Variants in PTCHD4 observed in about 807,000 individuals in gnomAD.
PTCHD4 encodes patched domain-containing protein 4.
Under a neutral mutation model 58.1 loss-of-function variants are expected in PTCHD4, and 33 were observed. The observed-to-expected ratio is 0.57, with a 90% CI of 0.43 to 0.76. The LOEUF (loss-of-function observed/expected upper bound fraction) is 0.76. Among genes scored for constraint, PTCHD4 ranks in the 30% least tolerant of loss-of-function variants. The probability of loss-of-function intolerance (pLI) is 0.00; values close to 1 mark genes in which losing one functional copy is unlikely to be tolerated. For synonymous variants in PTCHD4, 478 were observed against 409.6 expected (o/e 1.17, Z -2.02); for missense variants, 1,058 against 1,027.1 (o/e 1.03, Z -0.41).
At chr6:47,998,962 G>T (rs901254805) in intron 4 of PTCHD4, among the ~76,000 whole-genome samples, 2 of 152,122 alleles carry the variant, frequency 1.3e-5, no homozygotes, top group African/African-American at 4.8e-5. Flanking sequence ...CTTGCTCAAA[G>T]AACTCTAGCA....
chr6:47,968,419 A>G (rs1767378270), intron 4 of PTCHD4, among the ~76,000 whole-genome samples: 1 of 152,224 alleles, frequency 6.6e-6, no homozygotes, highest in Non-Finnish European at 1.5e-5. Flanking sequence ...TTAACAAATT[A>G]TAACACAGAT....
chr6:47,994,950 GA>G (rs902057295), intron 4 of PTCHD4, among the ~76,000 whole-genome samples: 7 of 152,086 alleles, frequency 4.6e-5, no homozygotes, highest in African/African-American at 1.4e-4. Context: ...CAACCAAAAA[GA>G]AAAATGTTCT....
chr6:47,955,383 C>CA (rs1766818384), intron 4 of PTCHD4, among the ~76,000 whole-genome samples: 4 of 152,006 alleles, frequency 2.6e-5, no homozygotes, highest in Non-Finnish European at 5.9e-5. Flanking sequence ...CAAAGGCTCT[C>CA]GAATTATGAG....
At position 48,070,465 on chromosome 6, in the gene PTCHD4, C is replaced by T. The variant is rs1478303216; in HGVS notation, c.-969-539G>A. 5.3e-5 allele frequency among the ~76,000 whole-genome samples: 8 copies of T among 152,118 alleles called. No homozygotes were observed. The East Asian group carries it at 5.8e-4, about 11-fold the overall frequency. ...GACACAGCAGAGAGCTCAGAAACAG[C>T]GACAATGCTTAAGGAAAAGTGTCTA... is the stretch of plus-strand genomic sequence containing the variant. On this transcript the variant is annotated intron_variant, in intron 1 of 4. Transcript: ENST00000339488.
At chr6:48,016,157 A>C (rs990685898) in intron 3 of PTCHD4, among the ~76,000 whole-genome samples, 2 of 151,906 alleles carry the variant, frequency 1.3e-5, no homozygotes, top group African/African-American at 4.9e-5. Context: ...AGGGGGACTT[A>C]GGGAGTGCCA....
chr6:48,099,062 T>C (rs967725852), intron 1 of PTCHD4, among the ~76,000 whole-genome samples: 1 of 152,230 alleles, frequency 6.6e-6, no homozygotes, highest in African/African-American at 2.4e-5. Flanking sequence ...GGAATTGCTA[T>C]GACAAAGAAG....
intron 1 of PTCHD4, among the ~76,000 whole-genome samples, chr6:48,095,203 A>G (rs1009073283): frequency 2.0e-5 from 3 of 152,216 alleles, no homozygotes; most frequent in African/African-American, 7.2e-5. Context: ...TTTCACATGT[A>G]TACAGTGTAC....
chr6:47,859,247 G>C lies in PTCHD4; in HGVS notation c.*19056C>G, dbSNP rs962966228. Among the ~76,000 whole-genome samples, 1 of 151,964 alleles carries C rather than the reference G, an allele frequency of 6.6e-6. No individual in the cohort carries two copies. The highest frequency in any genetic ancestry group is 1.5e-5 in the Non-Finnish European group (1 of 67,958). On this transcript the variant is annotated 3_prime_UTR_variant, in exon 5 of 5. Coordinates refer to ENST00000339488, the MANE Select transcript of PTCHD4 (RefSeq NM_001384253.1). ...TGGCTGCCATGATAATCTTTCACTT[G>C]TTCAGCAGTATTTCTTTTTCTTTCC...
At chr6:48,104,934 G>A (rs2113916609) in intron 1 of PTCHD4, among the ~76,000 whole-genome samples, 1 of 152,250 alleles carries the variant, frequency 6.6e-6, no homozygotes, top group South Asian at 2.1e-4. Context: ...CAATACAGGA[G>A]CACCCAGATT....
chr6:48,015,928 T>C lies in PTCHD4; in HGVS notation c.418-6814A>G, dbSNP rs980409938. 4.6e-5 allele frequency among the ~76,000 whole-genome samples: 7 copies of C among 151,794 alleles called. 1 individual carries two copies. The highest frequency in any genetic ancestry group is 1.3e-4 in the Admixed American group (2 of 15,244). On this transcript the variant is annotated intron_variant, in intron 3 of 4. Coordinates refer to ENST00000339488, the MANE Select transcript of PTCHD4 (RefSeq NM_001384253.1). ...TTATAGGTTACTTTTTAGAGACTAG[T>C]TTGCTAAGACCAGGACAAGTAGGAG...
intron 3 of PTCHD4, among the ~76,000 whole-genome samples, chr6:48,055,056 A>G (rs967879577): frequency 2.0e-5 from 3 of 152,146 alleles, no homozygotes; most frequent in Non-Finnish European, 4.4e-5. Context: ...TGATTCATAG[A>G]TTTGTCTATT....
At chr6:47,956,856 T>G (rs1168333446) in intron 4 of PTCHD4, among the ~76,000 whole-genome samples, 1 of 152,146 alleles carries the variant, frequency 6.6e-6, no homozygotes, top group Non-Finnish European at 1.5e-5. Context: ...GAGAATTTGT[T>G]TTCTATCATT....
At chr6:47,899,868 A>C (rs1764643657) in intron 4 of PTCHD4, 1 of 152,206 alleles carries the variant, frequency 6.6e-6, no homozygotes, top group Admixed American at 6.5e-5. Flanking sequence ...AACATTTCAT[A>C]TATATAGAAT....
At position 47,878,923 on chromosome 6, in the gene PTCHD4, T is replaced by C. The variant is rs778086385; in HGVS notation, c.1912A>G (p.Ile638Val). The C allele has an allele frequency of 1.9e-6, 3 of 1,613,344 alleles. No homozygotes were observed. The highest frequency in any genetic ancestry group is 1.7e-4 in the Middle Eastern group (1 of 6,058). Reference protein sequence around the residue: ...PLSLSKSIRFIVFNPSFVFMD... With the variant: ...PLSLSKSIRFVVFNPSFVFMD... Reference sequence around the variant, plus strand: ...AAGACAAAGGAGGGGTTGAACACGATGAATCGGATGCTCTTTGAGAGGGAT... The same window carrying C: ...AAGACAAAGGAGGGGTTGAACACGACGAATCGGATGCTCTTTGAGAGGGAT... The change falls in exon 5 of 5, where the codon ATC becomes GTC. Residue 638 changes from isoleucine (I) to valine (V), a missense_variant. Coordinates refer to ENST00000339488, the MANE Select transcript of PTCHD4 (RefSeq NM_001384253.1).
chr6:47,970,474 G>T (rs1767467681), intron 4 of PTCHD4, among the ~76,000 whole-genome samples: 1 of 152,126 alleles, frequency 6.6e-6, no homozygotes, highest in South Asian at 2.1e-4. Flanking sequence ...GATCTCAGGA[G>T]GTAAGGGTGT....
At chr6:47,890,557 G>A (rs1561941676) in intron 4 of PTCHD4, among the ~76,000 whole-genome samples, 1 of 152,158 alleles carries the variant, frequency 6.6e-6, no homozygotes, top group African/African-American at 2.4e-5. Context: ...CATGTGCTTG[G>A]AACACAGTAA....
chr6:47,968,357 A>G (rs1767376037), intron 4 of PTCHD4, among the ~76,000 whole-genome samples: 2 of 152,350 alleles, frequency 1.3e-5, no homozygotes, highest in South Asian at 4.1e-4. Context: ...ACAAATCACC[A>G]CAACAGATAT....
At chr6:47,978,266 C>T (rs1767767405) in intron 4 of PTCHD4, among the ~76,000 whole-genome samples, 1 of 151,874 alleles carries the variant, frequency 6.6e-6, no homozygotes, top group African/African-American at 2.4e-5. Flanking sequence ...AATATTAGTC[C>T]AACACTACTA....
intron 3 of PTCHD4, among the ~76,000 whole-genome samples, chr6:48,036,672 G>T (rs189791051): frequency 1.3e-5 from 2 of 151,994 alleles, no homozygotes; most frequent in African/African-American, 4.8e-5. Flanking sequence ...TAGGGATGCT[G>T]GCAACTCCAA....
Sources: allele counts gnomAD v4.1 joint callset (sites outside exome capture counted in the v4.1 genomes callset), GRCh38; gene constraint gnomAD v4.1.1; transcripts MANE v1.5; gene names NCBI Gene and HGNC (gene_info 2026-07-23, HGNC 2026-07-21).